The following PREX1 variants were observed in gnomAD, a reference collection of about 807,000 sequenced individuals.
PREX1 encodes the protein phosphatidylinositol-3,4,5-trisphosphate dependent Rac exchange factor 1.
PREX1 carries 41 observed loss-of-function variants against 198.3 expected under a neutral mutation model. The ratio of observed to expected loss-of-function variants is 0.21; its 90% confidence interval spans 0.16 to 0.27. The LOEUF is 0.27. Among genes scored for constraint, PREX1 ranks in the 10% least tolerant of loss-of-function variants. PREX1 has a pLI of 1.00. For synonymous variants in PREX1, 843 were observed against 887.2 expected, an observed-to-expected ratio of 0.95 and a Z score of 0.89; for missense variants, 1,620 against 2,200.7, an observed-to-expected ratio of 0.74 and a Z score of 5.28.
In PREX1 at chr20:48,713,565, T is replaced by C. The variant is rs369353828; in HGVS notation, c.622-5144A>G. 9.5e-4 allele frequency among the ~76,000 whole-genome samples: 145 copies of C among 152,206 alleles called. No homozygotes were observed. In the Middle Eastern group the frequency reaches 0.01, roughly 11 times the overall value. The stretch of plus-strand genomic sequence containing the variant: ...GCCTGGGCAACACAGAAGGACACCA[T>C]CTTTACCAAAAAATTTTAAAAACTT... On this transcript the variant is annotated intron_variant, in intron 5 of 39. Transcript: ENST00000371941.
At chr20:48,866,611 G>A in the PREX1 span, among the ~76,000 whole-genome samples, 1 of 152,162 alleles carries the variant, frequency 6.6e-6, no homozygotes. Flanking sequence ...GAGGGTTGGG[G>A]AGAAGAGAGA....
Position 48,802,944 on chromosome 20 carries a change from C to T in PREX1, c.219+24698G>A, listed in dbSNP as rs553293425. 8.5e-5 allele frequency among the ~76,000 whole-genome samples: 13 copies of T among 152,292 alleles called. No individual in the cohort carries two copies. The South Asian group carries it at 2.1e-3, about 24-fold the overall frequency. On this transcript the variant is annotated intron_variant, in intron 1 of 39. Coordinates refer to ENST00000371941, the MANE Select transcript of PREX1 (RefSeq NM_020820.4). ...GCCAAGGGGGGCTTTCCTGAGAAGA[C>T]GCCTTAGACCCCCACCACCCAGCGT...
upstream of PREX1, among the ~76,000 whole-genome samples, chr20:48,828,249 C>A (rs966026977): frequency 1.5e-4 from 22 of 151,592 alleles, no homozygotes; most frequent in African/African-American, 5.3e-4. Context: ...GGAAGGGCCC[C>A]GCGGAGCCGG....
intron 1 of PREX1, among the ~76,000 whole-genome samples, chr20:48,774,056 C>G (rs2090249629): frequency 6.6e-6 from 1 of 152,182 alleles, no homozygotes; most frequent in Non-Finnish European, 1.5e-5. Context: ...TCCCTGGTTT[C>G]TGGCCTGTAC....
intron 4 of PREX1, among the ~76,000 whole-genome samples, chr20:48,734,136 G>C (rs1044791322): frequency 3.9e-5 from 6 of 152,090 alleles, no homozygotes; most frequent in African/African-American, 1.4e-4. Flanking sequence ...CCATCATAAT[G>C]ACAGTAGTAT....
intron 16 of PREX1, among the ~76,000 whole-genome samples, chr20:48,659,679 AG>A (rs1305681790): frequency 6.6e-6 from 1 of 152,182 alleles, no homozygotes; most frequent in Non-Finnish European, 1.5e-5. Flanking sequence ...GGGAGGGGAC[AG>A]GAGAGGCAAG....
intron 1 of PREX1, among the ~76,000 whole-genome samples, chr20:48,778,558 C>T (rs2090274137): frequency 6.6e-6 from 1 of 151,868 alleles, no homozygotes; most frequent in Non-Finnish European, 1.5e-5. Context: ...CCACTGTACT[C>T]CAGCCTGGGT....
intron 1 of PREX1, among the ~76,000 whole-genome samples, chr20:48,761,746 T>C (rs2090181453): frequency 6.6e-6 from 1 of 152,162 alleles, no homozygotes; most frequent in South Asian, 2.1e-4. Flanking sequence ...AACAGATATT[T>C]ATGCAGAGCC....
At chr20:48,823,206 C>T (rs566230729) in intron 1 of PREX1, among the ~76,000 whole-genome samples, 4 of 152,304 alleles carry the variant, frequency 2.6e-5, no homozygotes, top group South Asian at 4.1e-4. Context: ...TCCTCAGCCA[C>T]GGGGAGACCT....
At chr20:48,850,615 T>G in the PREX1 span, among the ~76,000 whole-genome samples, 6,590 of 148,648 alleles carry the variant, frequency 0.044, 214 homozygotes, top group African/African-American at 0.093. Flanking sequence ...AAATATTTTG[T>G]TTTTTTTTAA....
At chr20:48,828,424 C>G (rs1295529450), upstream of PREX1, among the ~76,000 whole-genome samples, 1 of 152,138 alleles carries the variant, frequency 6.6e-6, no homozygotes, top group Non-Finnish European at 1.5e-5. Context: ...CTGCTCGGGC[C>G]AAGTAAACAC....
intron 28 of PREX1, 53 bp from the exon 29 acceptor site, chr20:48,642,311 C>T: frequency 1.9e-6 from 3 of 1,606,098 alleles, no homozygotes; most frequent in Non-Finnish European, 2.6e-6. Context: ...CTACACACTG[C>T]AGACATCTGG....
At chr20:48,838,993 CAAAAAAAA>C in the PREX1 span, among the ~76,000 whole-genome samples, 4 of 23,042 alleles carry the variant, frequency 1.7e-4, no homozygotes, top group African/African-American at 6.6e-4. Flanking sequence ...GACTCTGTCT[CAAAAAAAA>C]AAAAAAAAAA....
intron 1 of PREX1, among the ~76,000 whole-genome samples, chr20:48,792,467 T>C (rs1207258013): frequency 6.6e-6 from 1 of 151,290 alleles, no homozygotes; most frequent in Non-Finnish European, 1.5e-5. Context: ...CAAAACTCCA[T>C]CTCAAAAAAA....
intron 6 of PREX1, among the ~76,000 whole-genome samples, chr20:48,702,101 C>G (rs189251411): frequency 6.6e-6 from 1 of 151,318 alleles, no homozygotes; most frequent in South Asian, 2.1e-4. Context: ...CCCAGCTACT[C>G]GGGAGGCTGA....
chr20:48,859,139 G>A, the PREX1 span, among the ~76,000 whole-genome samples: 5 of 152,148 alleles, frequency 3.3e-5, no homozygotes, highest in Admixed American at 6.6e-5. Flanking sequence ...GACCTCAAGC[G>A]ATCCTCCTGC....
intron 33 of PREX1, among the ~76,000 whole-genome samples, chr20:48,634,288 C>T (rs1237366830): frequency 6.6e-6 from 1 of 151,694 alleles, no homozygotes; most frequent in Non-Finnish European, 1.5e-5. Flanking sequence ...GGGGAGAAAG[C>T]GTGGAGGAAG....
At position 48,650,833 on chromosome 20, in the gene PREX1, C is replaced by T. The variant is rs2089489593; in HGVS notation, c.2817+61G>A. 8.2e-6 allele frequency: 13 copies of T among 1,578,450 alleles called. No individual in the cohort carries two copies. The Admixed American group carries it at 2.1e-4, about 26-fold the overall frequency. Reference sequence around the variant, plus strand: ...CTTTGTAATTTACAACCCAAATATCCCAGGCTGAGATGCTATGTCTGGGAC... The same window carrying T: ...CTTTGTAATTTACAACCCAAATATCTCAGGCTGAGATGCTATGTCTGGGAC... On this transcript the variant is annotated intron_variant, in intron 23 of 39. Transcript: ENST00000371941.
At chr20:48,626,639 A>G (rs1231516559) in intron 39 of PREX1, among the ~76,000 whole-genome samples, 1 of 152,216 alleles carries the variant, frequency 6.6e-6, no homozygotes, top group East Asian at 1.9e-4. Context: ...GCCACTCGTG[A>G]GACACAAACA....
Sources: allele counts gnomAD v4.1 joint callset (sites outside exome capture counted in the v4.1 genomes callset), GRCh38; gene constraint gnomAD v4.1.1; transcripts MANE v1.5; gene names NCBI Gene and HGNC (gene_info 2026-07-23, HGNC 2026-07-21).